Variants in GRID1 observed in about 807,000 individuals in gnomAD.
GRID1 encodes glutamate ionotropic receptor delta type subunit 1, also known as glutamate receptor ionotropic, delta-1.
GRID1 carries 28 observed loss-of-function variants against 98.0 expected under a neutral mutation model. The ratio of observed to expected loss-of-function variants is 0.29; its 90% CI spans 0.21 to 0.39. GRID1 has a LOEUF of 0.39. GRID1 is among the 10% of genes least tolerant of loss of function. The pLI is 1.00. For synonymous variants in GRID1, 553 were observed against 538.5 expected (o/e 1.03, Z -0.37); for missense variants, 1,111 against 1,340.5 (o/e 0.83, Z 2.67).
intron 2 of GRID1, among the ~76,000 whole-genome samples, chr10:86,269,531 C>T (rs1847154033): frequency 6.6e-6 from 1 of 152,158 alleles, no homozygotes; most frequent in African/African-American, 2.4e-5. Context: ...TTCTCTTGGC[C>T]TCGGCCTCTG....
At chr10:86,034,677 C>A (rs1843231666) in intron 4 of GRID1, among the ~76,000 whole-genome samples, 1 of 151,864 alleles carries the variant, frequency 6.6e-6, no homozygotes, top group Non-Finnish European at 1.5e-5. Flanking sequence ...CCCCTGTAAT[C>A]ATTTTATCAT....
chr10:86,201,335 G>A (rs1267860418), intron 3 of GRID1, among the ~76,000 whole-genome samples: 1 of 152,188 alleles, frequency 6.6e-6, no homozygotes, highest in Non-Finnish European at 1.5e-5. Context: ...CCACATATAT[G>A]AGTCGCAAAC....
chr10:85,664,299 T>C (rs549764864), intron 12 of GRID1, among the ~76,000 whole-genome samples: 3 of 152,246 alleles, frequency 2.0e-5, no homozygotes, highest in African/African-American at 7.2e-5. Flanking sequence ...AGCATCTCTA[T>C]TGTCCAATGA....
At chr10:86,212,962 G>A (rs1037554094) in intron 2 of GRID1, among the ~76,000 whole-genome samples, 1 of 152,130 alleles carries the variant, frequency 6.6e-6, no homozygotes, top group African/African-American at 2.4e-5. Flanking sequence ...GCCCTGGAGT[G>A]AGCTGGCTCT....
chr10:85,661,735 T>C (rs1840967561), intron 12 of GRID1, among the ~76,000 whole-genome samples: 1 of 152,288 alleles, frequency 6.6e-6, no homozygotes, highest in Non-Finnish European at 1.5e-5. Context: ...AACATAATAA[T>C]GTCCCCACAG....
chr10:86,097,992 A>T (rs912024215), intron 4 of GRID1, among the ~76,000 whole-genome samples: 2 of 152,242 alleles, frequency 1.3e-5, no homozygotes, highest in African/African-American at 4.8e-5. Context: ...AGCATGGCTT[A>T]TCTTCAGAAA....
chr10:86,338,431 C>T (rs1486918433), intron 2 of GRID1, among the ~76,000 whole-genome samples: 1 of 152,166 alleles, frequency 6.6e-6, no homozygotes, highest in Non-Finnish European at 1.5e-5. Flanking sequence ...GCCCCGAATC[C>T]AGCCTGCCCT....
Position 85,599,821 on chromosome 10 carries a change from A to ATATATATATATATATATATATATAT in GRID1, c.*2451_*2452insATATATATATATATATATATATATA, listed in dbSNP as rs1470286241. Reference sequence around the variant, plus strand: ...AAAAAAAATATATATATATATATATAAACATGGTGAAGAATAACACCATGA... The same window carrying ATATATATATATATATATATATATAT: ...AAAAAAAATATATATATATATATATATATATATATATATATATATATATATAACATGGTGAAGAATAACACCATGA... On this transcript the variant is annotated 3_prime_UTR_variant, in exon 16 of 16. Coordinates refer to ENST00000327946, the MANE Select transcript of GRID1 (RefSeq NM_017551.3). The ATATATATATATATATATATATATAT allele has an allele frequency of 3.9e-5, 5 of 129,338 alleles. No homozygotes were observed. Among genetic ancestry groups the ATATATATATATATATATATATATAT allele is most frequent in the Admixed American group, 7.9e-5 (1 of 12,588 alleles). The allele number at this position is 129,338 out of a possible 1,614,324, so 8.0% of individuals were successfully genotyped here.
At chr10:85,967,822 T>C (rs903715834) in intron 4 of GRID1, among the ~76,000 whole-genome samples, 1 of 152,174 alleles carries the variant, frequency 6.6e-6, no homozygotes, top group Admixed American at 6.5e-5. Flanking sequence ...GTCATCTGAC[T>C]TCTCAGCAGA....
At chr10:86,209,905 C>A (rs573199434) in intron 2 of GRID1, among the ~76,000 whole-genome samples, 1 of 152,180 alleles carries the variant, frequency 6.6e-6, no homozygotes, top group South Asian at 2.1e-4. Context: ...GCCTCAGTTT[C>A]CCCATCTGGG....
chr10:85,933,406 GTAATAAACA>G (rs1841885833), intron 4 of GRID1, among the ~76,000 whole-genome samples: 1 of 151,778 alleles, frequency 6.6e-6, no homozygotes, highest in Non-Finnish European at 1.5e-5. Flanking sequence ...CATCACCCAG[GTAATAAACA>G]TAGTATCCAA....
At chr10:85,827,454 A>C (rs1373407478) in intron 8 of GRID1, among the ~76,000 whole-genome samples, 1 of 152,240 alleles carries the variant, frequency 6.6e-6, no homozygotes, top group Non-Finnish European at 1.5e-5. Flanking sequence ...AGAATTAAAA[A>C]GAATGAACAA....
chr10:85,986,270 A>G (rs1842607404), intron 4 of GRID1, among the ~76,000 whole-genome samples: 1 of 152,258 alleles, frequency 6.6e-6, no homozygotes, highest in African/African-American at 2.4e-5. Flanking sequence ...AAGTTGTCTC[A>G]GACCGCTTTT....
At chr10:85,716,845 T>A (rs1841645494) in intron 12 of GRID1, among the ~76,000 whole-genome samples, 1 of 151,960 alleles carries the variant, frequency 6.6e-6, no homozygotes, top group South Asian at 2.1e-4. Context: ...TCAAATAAGC[T>A]AGGCACAGAA....
intron 4 of GRID1, among the ~76,000 whole-genome samples, chr10:86,080,362 A>G (rs1459671024): frequency 7.3e-6 from 1 of 136,614 alleles, no homozygotes; most frequent in Non-Finnish European, 1.6e-5. Flanking sequence ...GAGACAAAAA[A>G]AGAGAGAGAA....
chr10:85,729,471 T>C (rs747587342), intron 9 of GRID1, 42 bp downstream of exon 9: 5 of 1,146,702 alleles, frequency 4.4e-6, no homozygotes, highest in Middle Eastern at 3.9e-4. Context: ...TTCAACAGCC[T>C]GGATGGTGTA....
At chr10:85,707,094 A>G (rs1192660179) in intron 12 of GRID1, among the ~76,000 whole-genome samples, 1 of 152,224 alleles carries the variant, frequency 6.6e-6, no homozygotes, top group Admixed American at 6.5e-5. Flanking sequence ...ATGACAACAA[A>G]AGCCAAAATT....
intron 3 of GRID1, among the ~76,000 whole-genome samples, chr10:86,160,598 C>A (rs1266150033): frequency 6.6e-6 from 1 of 152,198 alleles, no homozygotes; most frequent in East Asian, 1.9e-4. Context: ...AAGTGCCTGC[C>A]CAGACATGCT....
chr10:85,958,604 A>G (rs1236772789), intron 4 of GRID1, among the ~76,000 whole-genome samples: 1 of 152,184 alleles, frequency 6.6e-6, no homozygotes, highest in Non-Finnish European at 1.5e-5. Flanking sequence ...AGTAAGGTAG[A>G]TCACCCCCAC....
Sources: gnomAD v4.1 joint callset for allele counts (sites outside exome capture counted in the v4.1 genomes callset) on GRCh38, gnomAD v4.1.1 for gene constraint, MANE v1.5 for transcripts, NCBI Gene and HGNC (gene_info 2026-07-23, HGNC 2026-07-21) for gene names.